Variants in SEMA3C observed in about 807,000 individuals in gnomAD.
The protein encoded by SEMA3C is semaphorin 3C.
SEMA3C carries 47 observed loss-of-function variants against 89.4 expected under a neutral mutation model. The ratio of observed to expected loss-of-function variants is 0.53; its 90% CI spans 0.42 to 0.67. The LOEUF (loss-of-function observed/expected upper bound fraction) is 0.67. Among genes scored for constraint, SEMA3C ranks in the 30% least tolerant of loss-of-function variants. SEMA3C has a pLI of 0.00. For missense variants in SEMA3C, 839 were observed against 929.1 expected (o/e 0.90, Z 1.26); for synonymous variants, 310 against 320.2 (o/e 0.97, Z 0.34).
intron 8 of SEMA3C, among the ~76,000 whole-genome samples, chr7:80,803,895 T>C (rs1403379749): frequency 6.6e-6 from 1 of 152,104 alleles, no homozygotes; most frequent in Non-Finnish European, 1.5e-5. Flanking sequence ...ATATAACTTA[T>C]TGAGGGTTAG....
chr7:80,916,845 T>C (rs376495376), intron 1 of SEMA3C, 26 bp from the exon 2 acceptor site: 1 of 1,592,598 alleles, frequency 6.3e-7, no homozygotes, highest in Non-Finnish European at 8.6e-7. Flanking sequence ...AACATGTTTG[T>C]TATATCTCAT....
intron 2 of SEMA3C, among the ~76,000 whole-genome samples, chr7:80,862,546 C>T (rs556357338): frequency 9.2e-5 from 14 of 152,138 alleles, no homozygotes; most frequent in African/African-American, 3.1e-4. Flanking sequence ...AATGCAATCC[C>T]CATCAAAATA....
chr7:80,903,785 G>C (rs957278942), intron 2 of SEMA3C, among the ~76,000 whole-genome samples: 4 of 151,986 alleles, frequency 2.6e-5, no homozygotes, highest in African/African-American at 9.7e-5. Flanking sequence ...CATTTAAAAG[G>C]CTAAAAAAAA....
chr7:80,841,737 T>C (rs1327888880), intron 2 of SEMA3C, among the ~76,000 whole-genome samples: 1 of 152,192 alleles, frequency 6.6e-6, no homozygotes, highest in African/African-American at 2.4e-5. Context: ...CTTAAACTCA[T>C]TTTCTTTTGA....
intron 2 of SEMA3C, among the ~76,000 whole-genome samples, chr7:80,900,805 T>A (rs1791860894): frequency 6.6e-6 from 1 of 152,232 alleles, no homozygotes; most frequent in Non-Finnish European, 1.5e-5. Flanking sequence ...ATCACTTTCA[T>A]GACTAGTTTA....
intron 12 of SEMA3C, among the ~76,000 whole-genome samples, chr7:80,775,588 T>A (rs1190417730): frequency 6.6e-6 from 1 of 152,118 alleles, no homozygotes; most frequent in Non-Finnish European, 1.5e-5. Flanking sequence ...TGTTTTCTTT[T>A]TTCTTAAATT....
chr7:80,746,075 A>G (rs1787793778), intron 17 of SEMA3C, among the ~76,000 whole-genome samples: 1 of 152,136 alleles, frequency 6.6e-6, no homozygotes. Flanking sequence ...CTGCCAATGA[A>G]TAGATAAAAA....
chr7:80,838,292 TA>T (rs1214829540), intron 2 of SEMA3C, among the ~76,000 whole-genome samples: 1 of 151,948 alleles, frequency 6.6e-6, no homozygotes, highest in Non-Finnish European at 1.5e-5. Context: ...ATCTACAATA[TA>T]AAAAAAGAAT....
chr7:80,855,821 T>C (rs1299075294), intron 2 of SEMA3C, among the ~76,000 whole-genome samples: 2 of 152,164 alleles, frequency 1.3e-5, no homozygotes, highest in Non-Finnish European at 2.9e-5. Context: ...TAACACTAGT[T>C]TGAGCTGGGG....
chr7:80,761,824 A>G (rs1238344473), intron 13 of SEMA3C, among the ~76,000 whole-genome samples, 167 bp from the exon 14 acceptor site: 2 of 152,146 alleles, frequency 1.3e-5, no homozygotes, highest in Non-Finnish European at 2.9e-5. Context: ...ACTTGTCTAT[A>G]AAGTACACTT....
At chr7:80,769,877 A>C (rs957891403) in intron 12 of SEMA3C, among the ~76,000 whole-genome samples, 5 of 151,316 alleles carry the variant, frequency 3.3e-5, no homozygotes, top group Non-Finnish European at 5.9e-5. Flanking sequence ...AAAAAAAAAA[A>C]AAAAAAAAAA....
chr7:80,919,104 G>A, upstream of SEMA3C: 1 of 984,974 alleles, frequency 1.0e-6, no homozygotes, highest in East Asian at 1.1e-4. Flanking sequence ...TCCGATTACA[G>A]CGCCGCGGCG....
rs368000021 is a variant in SEMA3C, at chr7:80,765,116, T to C, written c.1443+39A>G. ...CTGTAAGATTAAAGAATTCCACTCA[T>C]CATGCATGTTCTGAGATTAATAGAA... On this transcript the variant is annotated intron_variant, in intron 13 of 17. Coordinates refer to ENST00000265361, the MANE Select transcript of SEMA3C (RefSeq NM_006379.5). The C allele has an allele frequency of 7.4e-7, 1 of 1,357,656 alleles. No homozygotes were observed. The highest frequency in any genetic ancestry group is 1.0e-6 in the Non-Finnish European group (1 of 957,418). The allele number at this position is 1,357,656 out of a possible 1,614,324, so 84.1% of individuals were successfully genotyped here.
chr7:80,789,877 C>T (rs1302385273), intron 11 of SEMA3C, among the ~76,000 whole-genome samples: 1 of 152,184 alleles, frequency 6.6e-6, no homozygotes, highest in Non-Finnish European at 1.5e-5. Context: ...CTAGTGGACA[C>T]AATCTAATGC....
At chr7:80,872,480 A>G (rs1791084812) in intron 2 of SEMA3C, among the ~76,000 whole-genome samples, 1 of 152,060 alleles carries the variant, frequency 6.6e-6, no homozygotes, top group African/African-American at 2.4e-5. Context: ...GAAGGATTAC[A>G]TCTCTTTAAT....
intron 12 of SEMA3C, among the ~76,000 whole-genome samples, chr7:80,773,377 T>C (rs1361233117): frequency 2.0e-5 from 3 of 152,112 alleles, no homozygotes; most frequent in African/African-American, 4.8e-5. Context: ...AACAAGGAAA[T>C]AGAAATTTTC....
At chr7:80,917,255 G>A (rs184688012) in intron 1 of SEMA3C, among the ~76,000 whole-genome samples, 2 of 152,340 alleles carry the variant, frequency 1.3e-5, no homozygotes, top group Admixed American at 1.3e-4. Context: ...GAGCATTCAT[G>A]TGTACCTACT....
intron 2 of SEMA3C, among the ~76,000 whole-genome samples, chr7:80,908,342 TCA>T (rs1221664540): frequency 6.6e-6 from 1 of 152,182 alleles, no homozygotes; most frequent in Non-Finnish European, 1.5e-5. Context: ...TTGGTGTACT[TCA>T]CACAGTTTGT....
intron 12 of SEMA3C, among the ~76,000 whole-genome samples, chr7:80,766,187 A>G (rs1304698721): frequency 6.6e-6 from 1 of 152,234 alleles, no homozygotes; most frequent in African/African-American, 2.4e-5. Context: ...TCTACTATTT[A>G]CACAATTTTA....
Sources: gnomAD v4.1 joint callset for allele counts (sites outside exome capture counted in the v4.1 genomes callset) on GRCh38, gnomAD v4.1.1 for gene constraint, MANE v1.5 for transcripts, NCBI Gene and HGNC (gene_info 2026-07-23, HGNC 2026-07-21) for gene names.